The following HPSE2 variants were observed in gnomAD, a reference collection of about 807,000 sequenced individuals.
The protein encoded by HPSE2 is inactive heparanase-2.
A neutral mutation model predicts 60.5 loss-of-function variants in HPSE2; 38 were observed. The observed-to-expected ratio is 0.63, with a 90% confidence interval of 0.48 to 0.82. HPSE2 has a LOEUF of 0.82. HPSE2 is among the 40% of genes least tolerant of loss of function. The pLI is 0.00. For synonymous variants in HPSE2, 295 were observed against 293.2 expected, an observed-to-expected ratio of 1.01 and a Z score of -0.06; for missense variants, 713 against 740.4, an observed-to-expected ratio of 0.96 and a Z score of 0.43.
intron 3 of HPSE2, among the ~76,000 whole-genome samples, chr10:98,753,639 G>A (rs1422920472): frequency 6.6e-6 from 1 of 152,080 alleles, no homozygotes; most frequent in East Asian, 1.9e-4. Context: ...GGAACATATT[G>A]GCCCCTCCAG....
chr10:99,078,630 T>C (rs1477880213), intron 3 of HPSE2, among the ~76,000 whole-genome samples: 1 of 152,204 alleles, frequency 6.6e-6, no homozygotes, highest in African/African-American at 2.4e-5. Context: ...ATTGGTTGAA[T>C]CCATGGATGC....
chr10:98,928,686 T>G (rs1954552509), intron 3 of HPSE2, among the ~76,000 whole-genome samples: 1 of 135,566 alleles, frequency 7.4e-6, no homozygotes, highest in South Asian at 2.2e-4. Context: ...ATGTCCTTTG[T>G]AGGGACATGG....
intron 3 of HPSE2, among the ~76,000 whole-genome samples, chr10:98,764,837 ACAGAGAGC>A (rs747342770): frequency 3.1e-4 from 47 of 152,328 alleles, no homozygotes; most frequent in Middle Eastern, 3.4e-3. Flanking sequence ...AGCCTGGGTG[ACAGAGAGC>A]CAGAGAGCCA....
intron 9 of HPSE2, among the ~76,000 whole-genome samples, chr10:98,511,602 G>GTT (rs1942407398): frequency 6.8e-6 from 1 of 147,796 alleles, no homozygotes. Context: ...GTGTGTTTGT[G>GTT]TGTGTGTGTG....
the HPSE2 span, among the ~76,000 whole-genome samples, chr10:99,296,970 A>C: frequency 6.6e-6 from 1 of 152,174 alleles, no homozygotes; most frequent in Non-Finnish European, 1.5e-5. Context: ...ATGGCAATTG[A>C]CGAGATGAGG....
chr10:99,314,621 G>A, the HPSE2 span, among the ~76,000 whole-genome samples: 2 of 152,080 alleles, frequency 1.3e-5, no homozygotes, highest in East Asian at 1.9e-4. Flanking sequence ...CAAAACCCGC[G>A]GTATCCCCGA....
intron 3 of HPSE2, among the ~76,000 whole-genome samples, chr10:98,839,274 T>C (rs2134684661): frequency 6.6e-6 from 1 of 152,296 alleles, no homozygotes; most frequent in African/African-American, 2.4e-5. Flanking sequence ...AGCATTGCTG[T>C]TGCATATGAT....
At chr10:98,954,034 G>A (rs1246652532) in intron 3 of HPSE2, among the ~76,000 whole-genome samples, 5 of 152,034 alleles carry the variant, frequency 3.3e-5, no homozygotes, top group Non-Finnish European at 7.4e-5. Context: ...GGCCGGATGC[G>A]GTGGCTCACG....
intron 3 of HPSE2, among the ~76,000 whole-genome samples, chr10:99,088,497 C>A: frequency 1.3e-5 from 2 of 152,272 alleles, no homozygotes; most frequent in East Asian, 3.9e-4. Context: ...GAATAATGGT[C>A]TCCAATTCCA....
At chr10:99,086,445 C>T (rs377108268) in intron 3 of HPSE2, among the ~76,000 whole-genome samples, 4 of 144,302 alleles carry the variant, frequency 2.8e-5, no homozygotes, top group African/African-American at 7.6e-5. Flanking sequence ...CTCCGCCTCC[C>T]GGGTTCACGC....
intron 9 of HPSE2, among the ~76,000 whole-genome samples, chr10:98,576,812 T>C (rs1003965649): frequency 2.1e-5 from 2 of 96,510 alleles, no homozygotes; most frequent in African/African-American, 7.3e-5. Context: ...TTGTTCTCTA[T>C]AGTCTATTGG....
intron 3 of HPSE2, among the ~76,000 whole-genome samples, chr10:98,991,045 T>C (rs1956511318): frequency 6.6e-6 from 1 of 152,200 alleles, no homozygotes; most frequent in Non-Finnish European, 1.5e-5. Context: ...TCTCATACCA[T>C]TTCCCTAATG....
intron 3 of HPSE2, among the ~76,000 whole-genome samples, chr10:99,027,722 C>T (rs1161796293): frequency 2.1e-5 from 3 of 139,984 alleles, no homozygotes; most frequent in Non-Finnish European, 4.6e-5. Context: ...CACTACGGGC[C>T]AATATCTCTG....
intron 3 of HPSE2, among the ~76,000 whole-genome samples, chr10:98,789,286 G>C (rs977255557): frequency 2.6e-5 from 4 of 152,210 alleles, no homozygotes; most frequent in African/African-American, 9.6e-5. Context: ...GAGAGATCCA[G>C]AGACACATGC....
intron 3 of HPSE2, among the ~76,000 whole-genome samples, chr10:98,774,621 G>A (rs1950303139): frequency 6.6e-6 from 1 of 152,122 alleles, no homozygotes; most frequent in Non-Finnish European, 1.5e-5. Context: ...TGGTGGGTGA[G>A]GCATGGGGCT....
At chr10:99,160,640 C>G (rs1846791406) in intron 2 of HPSE2, among the ~76,000 whole-genome samples, 2 of 152,112 alleles carry the variant, frequency 1.3e-5, no homozygotes, top group Admixed American at 1.3e-4. Context: ...TGGCTCACGC[C>G]TGTAATCCCA....
chr10:98,673,161 T>A (rs1239266116), intron 6 of HPSE2, among the ~76,000 whole-genome samples: 3 of 152,130 alleles, frequency 2.0e-5, no homozygotes, highest in Admixed American at 2.0e-4. Flanking sequence ...AGGAATACAA[T>A]CAAACAGACG....
intron 9 of HPSE2, among the ~76,000 whole-genome samples, chr10:98,576,242 C>G (rs190607839): frequency 6.6e-6 from 1 of 152,028 alleles, no homozygotes; most frequent in Admixed American, 6.5e-5. Context: ...AATAAAAATT[C>G]TGGCATATGA....
At chr10:99,097,957 G>C (rs1843778725) in intron 3 of HPSE2, among the ~76,000 whole-genome samples, 1 of 152,136 alleles carries the variant, frequency 6.6e-6, no homozygotes, top group Non-Finnish European at 1.5e-5. Context: ...ATGTGGCTAG[G>C]GCTTCTATGG....
Sources: allele counts gnomAD v4.1 joint callset (sites outside exome capture counted in the v4.1 genomes callset), GRCh38; gene constraint gnomAD v4.1.1; transcripts MANE v1.5; gene names NCBI Gene and HGNC (gene_info 2026-07-23, HGNC 2026-07-21).